Variants in WWOX observed in about 807,000 individuals in gnomAD.
The protein encoded by WWOX is WW domain containing oxidoreductase, also known as WW domain-containing oxidoreductase.
Under a neutral mutation model 46.2 loss-of-function variants are expected in WWOX, and 69 were observed. The observed-to-expected ratio is 1.49, with a 90% CI of 1.23 to 1.82. The LOEUF (loss-of-function observed/expected upper bound fraction) is 1.82. Ranked by LOEUF, WWOX falls within the 40% of genes most tolerant of loss-of-function variation. The probability of loss-of-function intolerance (pLI) is 0.00; values close to 1 mark genes in which losing one functional copy is unlikely to be tolerated. For synonymous variants in WWOX, 359 were observed against 202.6 expected, an observed-to-expected ratio of 1.77 and a Z score of -6.56; for missense variants, 919 against 542.6, an observed-to-expected ratio of 1.69 and a Z score of -6.89.
chr16:78,528,421 A>G (rs2043535550), intron 8 of WWOX, among the ~76,000 whole-genome samples: 1 of 151,864 alleles, frequency 6.6e-6, no homozygotes, highest in Admixed American at 6.6e-5. Flanking sequence ...CCATCCAGAA[A>G]GTGGCTCGTA....
At chr16:79,178,726 T>C (rs2050851941) in intron 8 of WWOX, among the ~76,000 whole-genome samples, 1 of 152,246 alleles carries the variant, frequency 6.6e-6, no homozygotes, top group Admixed American at 6.5e-5. Flanking sequence ...GCCTACCTAA[T>C]GCTCTTCCTG....
At chr16:78,765,016 G>T (rs1044069964) in intron 8 of WWOX, among the ~76,000 whole-genome samples, 3 of 152,190 alleles carry the variant, frequency 2.0e-5, no homozygotes, top group Admixed American at 2.0e-4. Flanking sequence ...GAAGGAACAG[G>T]ACAAGAACCC....
chr16:79,159,893 C>G (rs1415170434), intron 8 of WWOX, among the ~76,000 whole-genome samples: 1 of 152,172 alleles, frequency 6.6e-6, no homozygotes, highest in African/African-American at 2.4e-5. Flanking sequence ...CGCACCTCCT[C>G]TTTGAAGAGG....
chr16:78,687,242 T>A (rs1429875534), intron 8 of WWOX, among the ~76,000 whole-genome samples: 2 of 152,218 alleles, frequency 1.3e-5, no homozygotes, highest in African/African-American at 2.4e-5. Context: ...TAAGTAGATA[T>A]TGGAAATATG....
rs11862842 is a variant in WWOX, at chr16:78,463,481, G to A, written c.1056+30729G>A. 4.0e-3 allele frequency among the ~76,000 whole-genome samples: 616 copies of A among 152,276 alleles called. 3 individuals are homozygous for A. Among genetic ancestry groups the A allele is most frequent in the African/African-American group, 0.014 (591 of 41,548 alleles). On this transcript the variant is annotated intron_variant, in intron 8 of 8. Coordinates refer to ENST00000566780, the MANE Select transcript of WWOX (RefSeq NM_016373.4). ...AGCAGCAGCTATCCAGCATTGTCCA[G>A]TTGTGCTGAGTAGCTGTCATTATTG... is the stretch of plus-strand genomic sequence containing the variant.
chr16:79,164,316 G>A (rs1045074103), intron 8 of WWOX, among the ~76,000 whole-genome samples: 10 of 152,160 alleles, frequency 6.6e-5, no homozygotes, highest in African/African-American at 2.4e-4. Context: ...TGGTTAACCA[G>A]TTAAAACGGG....
At chr16:78,330,859 T>A (rs1412713505) in intron 5 of WWOX, among the ~76,000 whole-genome samples, 2 of 152,252 alleles carry the variant, frequency 1.3e-5, no homozygotes, top group Non-Finnish European at 2.9e-5. Flanking sequence ...AAAATAAAAT[T>A]AGATTTTTGT....
At position 78,144,810 on chromosome 16, in the gene WWOX, C is replaced by T. The variant is rs944730041; in HGVS notation, c.410-19373C>T. On this transcript the variant is annotated intron_variant, in intron 4 of 8. Transcript: ENST00000566780. Reference sequence around the variant, plus strand: ...TGCTGGGATTACAGGCGTGAGCCACCGTGCCTGGCCTGCCGTTACTTTTAA... The same window carrying T: ...TGCTGGGATTACAGGCGTGAGCCACTGTGCCTGGCCTGCCGTTACTTTTAA... 8.6e-5 allele frequency among the ~76,000 whole-genome samples: 13 copies of T among 151,844 alleles called. No homozygotes were observed. The East Asian group carries it at 9.8e-4, about 11-fold the overall frequency.
intron 8 of WWOX, among the ~76,000 whole-genome samples, chr16:79,006,209 C>G (rs1290716292): frequency 6.6e-6 from 1 of 152,186 alleles, no homozygotes; most frequent in Non-Finnish European, 1.5e-5. Context: ...GCAGGAAAGA[C>G]TTCCCAGTCT....
intron 8 of WWOX, among the ~76,000 whole-genome samples, chr16:78,806,291 A>G (rs946449636): frequency 1.3e-5 from 2 of 152,156 alleles, no homozygotes; most frequent in African/African-American, 4.8e-5. Context: ...GAATTGAAGC[A>G]TTTCCCTATT....
chr16:78,838,097 G>C (rs186986592), intron 8 of WWOX, among the ~76,000 whole-genome samples: 19 of 152,316 alleles, frequency 1.2e-4, no homozygotes, highest in Middle Eastern at 3.4e-3. Flanking sequence ...CTCTGGGGTT[G>C]TGGGGAAGGC....
At chr16:78,963,475 A>G (rs2046309690) in intron 8 of WWOX, among the ~76,000 whole-genome samples, 1 of 152,194 alleles carries the variant, frequency 6.6e-6, no homozygotes, top group African/African-American at 2.4e-5. Context: ...CTCAGAAACA[A>G]AAACAAATAA....
At chr16:78,928,498 G>A (rs1219204656) in intron 8 of WWOX, among the ~76,000 whole-genome samples, 1 of 152,082 alleles carries the variant, frequency 6.6e-6, no homozygotes, top group Non-Finnish European at 1.5e-5. Flanking sequence ...CACCGCGCCC[G>A]GCCCCACTTT....
chr16:78,466,222 G>A lies in WWOX; in HGVS notation c.1056+33470G>A, dbSNP rs148175809. 2.3e-3 allele frequency among the ~76,000 whole-genome samples: 345 copies of A among 151,992 alleles called. 1 individual carries two copies. Among genetic ancestry groups the A allele is most frequent in the African/African-American group, 8.0e-3 (333 of 41,470 alleles). The stretch of plus-strand genomic sequence containing the variant: ...AATTTTTTGTGTTTTTAGTAGAGAC[G>A]GGGTTTCATCGTGTTACCCAGGATG... On this transcript the variant is annotated intron_variant, in intron 8 of 8. Transcript: ENST00000566780.
intron 8 of WWOX, among the ~76,000 whole-genome samples, chr16:78,730,998 G>T (rs1319777332): frequency 1.3e-5 from 2 of 152,082 alleles, no homozygotes; most frequent in Non-Finnish European, 2.9e-5. Context: ...CAAATCAACT[G>T]CAGAGCCATT....
chr16:78,210,237 A>T (rs2036516318), intron 5 of WWOX, among the ~76,000 whole-genome samples: 2 of 152,178 alleles, frequency 1.3e-5, no homozygotes, highest in Admixed American at 1.3e-4. Context: ...GTGGATCAAG[A>T]TGAAAGAAAA....
intron 8 of WWOX, among the ~76,000 whole-genome samples, chr16:78,439,354 T>C (rs2083398815): frequency 6.6e-6 from 1 of 152,212 alleles, no homozygotes; most frequent in African/African-American, 2.4e-5. Flanking sequence ...GGCGCTTTCC[T>C]GCAGTTGTCT....
At chr16:78,545,505 A>G (rs1389858471) in intron 8 of WWOX, among the ~76,000 whole-genome samples, 1 of 152,174 alleles carries the variant, frequency 6.6e-6, no homozygotes, top group Non-Finnish European at 1.5e-5. Context: ...GGTGCCTGCA[A>G]CCATGTCTGG....
intron 8 of WWOX, among the ~76,000 whole-genome samples, chr16:78,533,551 C>A (rs146343578): frequency 6.6e-6 from 1 of 152,180 alleles, no homozygotes; most frequent in Non-Finnish European, 1.5e-5. Context: ...ACAGGTTCTT[C>A]AAGAGGGGCT....
Sources: gnomAD v4.1 joint callset for allele counts (sites outside exome capture counted in the v4.1 genomes callset) on GRCh38, gnomAD v4.1.1 for gene constraint, MANE v1.5 for transcripts, NCBI Gene and HGNC (gene_info 2026-07-23, HGNC 2026-07-21) for gene names.